CHCHD3: variants seen among roughly 807,000 people sequenced by gnomAD.
The protein encoded by CHCHD3 is coiled-coil-helix-coiled-coil-helix domain containing 3, also known as MICOS complex subunit MIC19.
In CHCHD3, 20 loss-of-function variants were observed where a neutral mutation model predicts 38.2. The observed-to-expected ratio is 0.52, with a 90% CI of 0.37 to 0.76. CHCHD3 has a LOEUF of 0.76. Among genes scored for constraint, CHCHD3 ranks in the 30% least tolerant of loss-of-function variants. The probability of loss-of-function intolerance (pLI) is 0.00; values close to 1 mark genes in which losing one functional copy is unlikely to be tolerated. For missense variants in CHCHD3, 245 were observed against 279.2 expected (o/e 0.88, Z 0.87); for synonymous variants, 82 against 100.0 (o/e 0.82, Z 1.07).
intron 3 of CHCHD3, among the ~76,000 whole-genome samples, chr7:133,021,175 T>G (rs1813168420): frequency 6.6e-6 from 1 of 152,232 alleles, no homozygotes; most frequent in Non-Finnish European, 1.5e-5. Context: ...TACTTTTTCC[T>G]TCTTATGAAT....
intron 3 of CHCHD3, among the ~76,000 whole-genome samples, chr7:132,998,076 A>C (rs1482565875): frequency 6.6e-6 from 1 of 152,210 alleles, no homozygotes; most frequent in Non-Finnish European, 1.5e-5. Context: ...AATCCATTTT[A>C]TCTTTACGGT....
intron 6 of CHCHD3, among the ~76,000 whole-genome samples, chr7:132,811,116 A>G (rs928714794): frequency 1.3e-5 from 2 of 152,148 alleles, no homozygotes; most frequent in Non-Finnish European, 2.9e-5. Context: ...TCTTCCCAAC[A>G]TAAGATCTGG....
At chr7:133,058,778 G>T (rs1477382756) in intron 2 of CHCHD3, among the ~76,000 whole-genome samples, 1 of 152,210 alleles carries the variant, frequency 6.6e-6, no homozygotes, top group Admixed American at 6.5e-5. Flanking sequence ...ATCATTATAC[G>T]CATTCCCTGT....
At chr7:132,807,129 GAGA>G (rs1188027266) in intron 6 of CHCHD3, among the ~76,000 whole-genome samples, 3 of 152,196 alleles carry the variant, frequency 2.0e-5, no homozygotes, top group African/African-American at 7.2e-5. Context: ...AGCAGTACAT[GAGA>G]AGAAGGTTCT....
At chr7:132,921,536 A>C (rs1810263285) in intron 4 of CHCHD3, among the ~76,000 whole-genome samples, 1 of 152,190 alleles carries the variant, frequency 6.6e-6, no homozygotes, top group Non-Finnish European at 1.5e-5. Flanking sequence ...TATTTGAAGG[A>C]GGTATCAACA....
At chr7:133,054,949 G>C (rs781714797) in intron 2 of CHCHD3, among the ~76,000 whole-genome samples, 65 of 152,116 alleles carry the variant, frequency 4.3e-4, no homozygotes, top group Non-Finnish European at 7.2e-4. Context: ...GGAACCAGGG[G>C]CTCTCAGGTA....
intron 3 of CHCHD3, among the ~76,000 whole-genome samples, chr7:133,017,057 G>T (rs1477951306): frequency 6.6e-6 from 1 of 152,162 alleles, no homozygotes; most frequent in Non-Finnish European, 1.5e-5. Context: ...CTTGACCAAA[G>T]TTTTCTTGAA....
intron 1 of CHCHD3, among the ~76,000 whole-genome samples, chr7:133,077,296 C>T (rs943927331): frequency 1.4e-4 from 21 of 152,286 alleles, no homozygotes; most frequent in Admixed American, 2.0e-4. Flanking sequence ...CCTCAACACT[C>T]CCAAGGGCTG....
rs138338880 is a variant in CHCHD3 at position 132,937,767 on chromosome 7, G to A, written c.369+37402C>T. ...GCAGTGTTAGTTAATATAATCCAAC[G>A]TTTACAAACAGCAATTTACCCAATA... On this transcript the variant is annotated intron_variant, in intron 4 of 7. Coordinates refer to ENST00000262570, the MANE Select transcript of CHCHD3 (RefSeq NM_017812.4). Among the ~76,000 whole-genome samples the A allele has an allele frequency of 1.7e-3, 258 of 152,212 alleles. 1 individual carries two copies. The highest frequency in any genetic ancestry group is 5.4e-3 in the African/African-American group (226 of 41,538).
At chr7:133,003,050 C>A (rs1812612197) in intron 3 of CHCHD3, among the ~76,000 whole-genome samples, 1 of 152,028 alleles carries the variant, frequency 6.6e-6, no homozygotes, top group African/African-American at 2.4e-5. Context: ...GGGTGGAAAA[C>A]AATGTAAGCA....
rs568731265 is a variant in CHCHD3, at chr7:132,841,967, T to G, written c.454-3498A>C. ...AAAAAAATTAGCCAGGCGTGGTGGC[T>G]CATGCCTGTAATCCCAGCTACTCAG... is the stretch of plus-strand genomic sequence containing the variant. On this transcript the variant is annotated intron_variant, in intron 5 of 7. Transcript: ENST00000262570. Among the ~76,000 whole-genome samples the G allele has an allele frequency of 2.0e-5, 3 of 151,964 alleles. No individual in the cohort carries two copies. The South Asian group carries it at 6.3e-4, about 32-fold the overall frequency.
At chr7:132,804,521 T>TGG (rs1806866015) in intron 6 of CHCHD3, among the ~76,000 whole-genome samples, 3 of 152,304 alleles carry the variant, frequency 2.0e-5, no homozygotes, top group Admixed American at 2.0e-4. Flanking sequence ...CCAGTACCCC[T>TGG]ACCTCTTCCC....
chr7:132,788,413 G>A lies in CHCHD3; in HGVS notation c.661-2753C>T, dbSNP rs2117017111. Among the ~76,000 whole-genome samples, 1 of 152,248 alleles carries A rather than the reference G, an allele frequency of 6.6e-6. No individual in the cohort carries two copies. The highest frequency in any genetic ancestry group is 2.1e-4 in the South Asian group (1 of 4,820). On this transcript the variant is annotated intron_variant, in intron 7 of 7. Transcript: ENST00000262570. This position sits in a 1 kb window ranked among gnomAD's most constrained non-coding sequence, Gnocchi z 4.0. ...ACCCCTCTCTACAATTTTGGGCTTAGGGTTACAAGGATAACCACATGACAA... is the reference window on the plus strand; with the variant it reads ...ACCCCTCTCTACAATTTTGGGCTTAAGGTTACAAGGATAACCACATGACAA...
chr7:132,884,580 G>C (rs888496672), intron 5 of CHCHD3, among the ~76,000 whole-genome samples: 1 of 152,160 alleles, frequency 6.6e-6, no homozygotes, highest in African/African-American at 2.4e-5. Flanking sequence ...ACTGTACTGA[G>C]TGAGGGTTAA....
In CHCHD3 at chr7:132,906,983, C is replaced by T. The variant is rs1257693398; in HGVS notation, c.370-21238G>A. Among the ~76,000 whole-genome samples the T allele has an allele frequency of 2.6e-5, 4 of 152,168 alleles. No individual in the cohort carries two copies. The South Asian group carries it at 8.3e-4, about 32-fold the overall frequency. ...AATTCATGATCACCCATAAATGACT[C>T]TCAGGCATTCTGAATGTGTCTCTTC... On this transcript the variant is annotated intron_variant, in intron 4 of 7. Transcript: ENST00000262570.
chr7:132,876,481 T>G (rs1808916554), intron 5 of CHCHD3, among the ~76,000 whole-genome samples: 2 of 152,246 alleles, frequency 1.3e-5, no homozygotes, highest in Non-Finnish European at 1.5e-5. Context: ...TCAAGTGGCA[T>G]ATCATTTTTT....
intron 1 of CHCHD3, among the ~76,000 whole-genome samples, chr7:133,072,543 C>T (rs1419329389): frequency 1.3e-5 from 2 of 152,070 alleles, no homozygotes; most frequent in Non-Finnish European, 2.9e-5. Context: ...GTCTGAGTCT[C>T]AAGATCCCAC....
chr7:132,854,890 T>A (rs1328633682), intron 5 of CHCHD3, among the ~76,000 whole-genome samples: 1 of 152,216 alleles, frequency 6.6e-6, no homozygotes, highest in Non-Finnish European at 1.5e-5. Flanking sequence ...AACACAATTC[T>A]AACAGGGCAA....
intron 4 of CHCHD3, among the ~76,000 whole-genome samples, chr7:132,900,498 T>C (rs922461049): frequency 1.5e-4 from 23 of 152,144 alleles, no homozygotes; most frequent in Admixed American, 1.4e-3. Context: ...TGGTTGAACT[T>C]ATACAAGATT....
Sources: allele counts gnomAD v4.1 joint callset (sites outside exome capture counted in the v4.1 genomes callset), GRCh38; gene constraint gnomAD v4.1.1; non-coding constraint Gnocchi (gnomAD v3.1); transcripts MANE v1.5; gene names NCBI Gene and HGNC (gene_info 2026-07-23, HGNC 2026-07-21).